Variants in PCDH9 observed in about 807,000 individuals in gnomAD.
PCDH9 encodes protocadherin-9.
In PCDH9, 24 loss-of-function variants were observed where a neutral mutation model predicts 70.6. The ratio of observed to expected loss-of-function variants is 0.34; its 90% confidence interval spans 0.25 to 0.48. The LOEUF (loss-of-function observed/expected upper bound fraction) is 0.48, where lower values mean the gene tolerates loss of function less well. Among genes scored for constraint, PCDH9 ranks in the 20% least tolerant of loss-of-function variants. The pLI, the probability that PCDH9 is intolerant of heterozygous loss-of-function variation, is 0.99. For missense variants in PCDH9, 1,281 were observed against 1,503.6 expected (o/e 0.85, Z 2.45); for synonymous variants, 562 against 558.5 (o/e 1.01, Z -0.09).
chr13:66,972,867 G>C (rs186399441), intron 2 of PCDH9, among the ~76,000 whole-genome samples: 1 of 151,980 alleles, frequency 6.6e-6, no homozygotes, highest in African/African-American at 2.4e-5. Context: ...TTAAAATAAT[G>C]AAATAAGATA....
chr13:67,226,980 G>A lies in PCDH9; in HGVS notation c.1461C>T (p.Tyr487=). ...CATCTGTGGCACTAATAGTTGTTAA[G>A]TATAACCCACGTCGGTTGTTTTCAG... ...SVSENNRRGL[Y]LTTISATDED... The change falls in exon 2 of 5, where the codon TAC becomes TAT. Residue 487 remains tyrosine (Y), a synonymous_variant. Coordinates refer to ENST00000377865, the MANE Select transcript of PCDH9 (RefSeq NM_203487.3). This position sits in a 1 kb window ranked among gnomAD's most constrained non-coding sequence, Gnocchi z 5.0. 6.2e-7 allele frequency: 1 copy of A among 1,614,196 alleles called. No individual in the cohort carries two copies. Among genetic ancestry groups the A allele is most frequent in the Non-Finnish European group, 8.5e-7 (1 of 1,180,038 alleles).
At chr13:66,881,052 G>A (rs1172878170) in intron 3 of PCDH9, among the ~76,000 whole-genome samples, 1 of 152,166 alleles carries the variant, frequency 6.6e-6, no homozygotes, top group Admixed American at 6.6e-5. Flanking sequence ...AATAATTCAT[G>A]CAAAGTATTT....
chr13:66,334,690 G>A (rs1956005434), intron 4 of PCDH9, among the ~76,000 whole-genome samples: 1 of 151,818 alleles, frequency 6.6e-6, no homozygotes, highest in African/African-American at 2.4e-5. Flanking sequence ...TTTCTTGTCA[G>A]GTCATACCAT....
intron 3 of PCDH9, among the ~76,000 whole-genome samples, chr13:66,823,285 CT>C (rs901718477): frequency 2.6e-5 from 4 of 151,876 alleles, no homozygotes; most frequent in African/African-American, 9.6e-5. Context: ...TAAGAATTGC[CT>C]TTTTGATGAC....
intron 3 of PCDH9, among the ~76,000 whole-genome samples, chr13:66,857,702 C>T (rs113178927): frequency 2.6e-5 from 4 of 151,940 alleles, no homozygotes; most frequent in African/African-American, 9.7e-5. Context: ...CATCCCATTC[C>T]GACTAAATGA....
intron 2 of PCDH9, among the ~76,000 whole-genome samples, chr13:67,186,976 G>C (rs987378791): frequency 2.1e-4 from 32 of 152,140 alleles, no homozygotes; most frequent in African/African-American, 7.0e-4. Context: ...AACTTTAACA[G>C]CAACTTACAA....
chr13:66,910,075 A>T (rs547409359), intron 2 of PCDH9, among the ~76,000 whole-genome samples: 11 of 152,162 alleles, frequency 7.2e-5, no homozygotes, highest in African/African-American at 2.2e-4. Context: ...CCACCTAGAG[A>T]TACCCTTTTG....
chr13:66,880,531 A>G (rs1288107312), intron 3 of PCDH9, among the ~76,000 whole-genome samples: 1 of 152,162 alleles, frequency 6.6e-6, no homozygotes, highest in Non-Finnish European at 1.5e-5. Context: ...TCTGGATAGG[A>G]AAACCAGCTT....
At chr13:66,969,514 T>TTTGAAA in intron 2 of PCDH9, among the ~76,000 whole-genome samples, 1 of 152,186 alleles carries the variant, frequency 6.6e-6, no homozygotes, top group East Asian at 1.9e-4. Context: ...TACTCTTGAA[T>TTTGAAA]TTCAATAGTA....
intron 3 of PCDH9, among the ~76,000 whole-genome samples, chr13:66,671,933 T>C (rs2078180693): frequency 6.6e-6 from 1 of 152,126 alleles, no homozygotes; most frequent in Admixed American, 6.5e-5. Flanking sequence ...ACATAAATAA[T>C]GAGGAGCCAA....
intron 4 of PCDH9, among the ~76,000 whole-genome samples, chr13:66,627,125 T>G (rs926624738): frequency 1.3e-5 from 2 of 152,176 alleles, no homozygotes; most frequent in Non-Finnish European, 2.9e-5. Context: ...TCTCAGTGAC[T>G]TTTTTTATAT....
intron 4 of PCDH9, among the ~76,000 whole-genome samples, chr13:66,605,553 A>C (rs551262466): frequency 6.6e-6 from 1 of 152,308 alleles, no homozygotes; most frequent in Non-Finnish European, 1.5e-5. Context: ...ATCTATATTT[A>C]AAAGTTACTG....
At chr13:67,183,509 G>C (rs1463729730) in intron 2 of PCDH9, among the ~76,000 whole-genome samples, 1 of 152,044 alleles carries the variant, frequency 6.6e-6, no homozygotes, top group Non-Finnish European at 1.5e-5. Flanking sequence ...TTGAGATATG[G>C]TTAAAGCAGA....
intron 4 of PCDH9, among the ~76,000 whole-genome samples, chr13:66,383,648 G>A (rs1296678412): frequency 1.3e-5 from 2 of 152,084 alleles, no homozygotes; most frequent in African/African-American, 4.8e-5. Flanking sequence ...GCTAAAATCA[G>A]TCTTTCCACT....
intron 2 of PCDH9, among the ~76,000 whole-genome samples, chr13:66,914,660 T>G (rs1478588963): frequency 6.6e-6 from 1 of 151,876 alleles, no homozygotes; most frequent in Non-Finnish European, 1.5e-5. Context: ...ATGCTGTAAC[T>G]TTTATGAAGA....
intron 4 of PCDH9, among the ~76,000 whole-genome samples, chr13:66,623,325 T>A (rs2077454627): frequency 6.6e-6 from 1 of 152,268 alleles, no homozygotes; most frequent in Admixed American, 6.5e-5. Context: ...TCATGTACTA[T>A]GTTAAACCAT....
chr13:67,229,640 G>T, intron 1 of PCDH9, 140 bp downstream of exon 1: 1 of 152,272 alleles, frequency 6.6e-6, no homozygotes, highest in East Asian at 1.9e-4. Context: ...CCGGCAGAGT[G>T]ATGCAGGTAG....
Position 66,872,977 on chromosome 13 carries a change from T to C in PCDH9, c.3138+30527A>G, listed in dbSNP as rs1030717186. Among the ~76,000 whole-genome samples the C allele has an allele frequency of 5.3e-5, 8 of 152,154 alleles. No homozygotes were observed. In the South Asian group the frequency reaches 8.3e-4, roughly 16 times the overall value. ...TCTATGAATGATGATAGGAAGAAGA[T>C]AGCTTCTTATTTTTAATTTATAAGT... On this transcript the variant is annotated intron_variant, in intron 3 of 4. Transcript: ENST00000377865.
At chr13:66,455,482 C>G (rs1023936530) in intron 4 of PCDH9, among the ~76,000 whole-genome samples, 1 of 152,110 alleles carries the variant, frequency 6.6e-6, no homozygotes, top group East Asian at 1.9e-4. Flanking sequence ...TTATGTTTCA[C>G]TCTTGCCCCA....
Sources: gnomAD v4.1 joint callset for allele counts (sites outside exome capture counted in the v4.1 genomes callset) on GRCh38, gnomAD v4.1.1 for gene constraint, Gnocchi (gnomAD v3.1) non-coding constraint, MANE v1.5 for transcripts, NCBI Gene and HGNC (gene_info 2026-07-23, HGNC 2026-07-21) for gene names.